Variants in CTNNA3 observed in about 807,000 individuals in gnomAD.
CTNNA3 encodes catenin alpha 3.
CTNNA3 carries 76 observed loss-of-function variants against 95.7 expected under a neutral mutation model. That is an observed-to-expected ratio of 0.79 (90% CI 0.66 to 0.96). The LOEUF is 0.96. CTNNA3 is among the 40% of genes least tolerant of loss of function. The pLI, the probability that CTNNA3 is intolerant of heterozygous loss-of-function variation, is 0.00. For synonymous variants in CTNNA3, 431 were observed against 374.4 expected, an observed-to-expected ratio of 1.15 and a Z score of -1.74; for missense variants, 1,191 against 1,089.8, an observed-to-expected ratio of 1.09 and a Z score of -1.31.
chr10:66,158,425 A>T (rs1165178762), intron 13 of CTNNA3, among the ~76,000 whole-genome samples: 1 of 151,552 alleles, frequency 6.6e-6, no homozygotes, highest in Non-Finnish European at 1.5e-5. Flanking sequence ...TCCCCACTTT[A>T]TGTTTTTGTT....
intron 1 of CTNNA3, among the ~76,000 whole-genome samples, chr10:67,685,229 A>G (rs7095136): frequency 0.19 from 29,463 of 152,196 alleles, 3,522 homozygotes; most frequent in African/African-American, 0.34. Flanking sequence ...TGGGATTTTA[A>G]TTATTCTTTG....
intron 15 of CTNNA3, among the ~76,000 whole-genome samples, chr10:66,010,120 G>A (rs2078975374): frequency 6.9e-6 from 1 of 144,390 alleles, no homozygotes; most frequent in Admixed American, 7.2e-5. Flanking sequence ...AACCAAAATA[G>A]GCAGTGAATG....
chr10:66,536,528 A>G (rs1841666149), intron 10 of CTNNA3, among the ~76,000 whole-genome samples: 1 of 152,048 alleles, frequency 6.6e-6, no homozygotes, highest in Admixed American at 6.6e-5. Context: ...ATGTAGACAA[A>G]TAAAGAAATG....
chr10:66,785,620 T>C (rs534799731), intron 7 of CTNNA3, among the ~76,000 whole-genome samples: 1 of 152,270 alleles, frequency 6.6e-6, no homozygotes, highest in Non-Finnish European at 1.5e-5. Flanking sequence ...AGTTACACCA[T>C]TGGCTCCCCT....
Position 67,528,894 on chromosome 10 carries a change from G to C in CTNNA3, c.460-6933C>G, listed in dbSNP as rs1288728329. On this transcript the variant is annotated intron_variant, in intron 4 of 17. Coordinates refer to ENST00000433211, the MANE Select transcript of CTNNA3 (RefSeq NM_013266.4). Reference sequence around the variant, plus strand: ...AATTTTACATGGTTTAAATTTGTATGGTCAAAGGTCATAAAATTTCAATTA... The same window carrying C: ...AATTTTACATGGTTTAAATTTGTATCGTCAAAGGTCATAAAATTTCAATTA... Among the ~76,000 whole-genome samples, 3 of 152,000 alleles carry C rather than the reference G, an allele frequency of 2.0e-5. No homozygotes were observed. The East Asian group carries it at 5.8e-4, about 29-fold the overall frequency.
intron 2 of CTNNA3, among the ~76,000 whole-genome samples, chr10:67,617,318 A>G (rs1468177208): frequency 6.6e-6 from 1 of 152,016 alleles, no homozygotes; most frequent in Admixed American, 6.6e-5. Context: ...TGTTCTCATC[A>G]TTTAGCTTCT....
At chr10:67,701,353 A>C (rs1307787436) in intron 1 of CTNNA3, among the ~76,000 whole-genome samples, 1 of 152,190 alleles carries the variant, frequency 6.6e-6, no homozygotes, top group Non-Finnish European at 1.5e-5. Flanking sequence ...ATGAAGGAAA[A>C]AATGGTAAGG....
chr10:66,598,754 T>C (rs1462428859), intron 10 of CTNNA3, among the ~76,000 whole-genome samples: 1 of 151,940 alleles, frequency 6.6e-6, no homozygotes, highest in African/African-American at 2.4e-5. Context: ...TAAGAAGATA[T>C]AAAGAAATGG....
At position 66,964,050 on chromosome 10, in the gene CTNNA3, C is replaced by T. The variant is rs2132787879; in HGVS notation, c.1048-188526G>A. On this transcript the variant is annotated intron_variant, in intron 7 of 17. Coordinates refer to ENST00000433211, the MANE Select transcript of CTNNA3 (RefSeq NM_013266.4). ...TTTTTTCAGTAGTGATGGGTTTTCACCATGTTGGCCAGGATGGTCTCGATC... is the reference window on the plus strand; with the variant it reads ...TTTTTTCAGTAGTGATGGGTTTTCATCATGTTGGCCAGGATGGTCTCGATC... Among the ~76,000 whole-genome samples the T allele has an allele frequency of 3.3e-5, 5 of 151,882 alleles. 1 individual carries two copies. The South Asian group carries it at 1.0e-3, about 32-fold the overall frequency.
chr10:66,237,915 T>C (rs1246583719), intron 13 of CTNNA3, among the ~76,000 whole-genome samples: 1 of 152,078 alleles, frequency 6.6e-6, no homozygotes, highest in African/African-American at 2.4e-5. Flanking sequence ...TGTGGTTTCT[T>C]CTAAGAAAAT....
chr10:67,013,263 A>G (rs1191601909), intron 7 of CTNNA3, among the ~76,000 whole-genome samples: 1 of 151,550 alleles, frequency 6.6e-6, no homozygotes. Context: ...TCTTCATTTA[A>G]TAAAATTCTC....
chr10:66,194,567 A>T (rs943294234), intron 13 of CTNNA3, among the ~76,000 whole-genome samples: 1 of 152,192 alleles, frequency 6.6e-6, no homozygotes, highest in Non-Finnish European at 1.5e-5. Context: ...TGACAGAGAG[A>T]GAGACTCCAT....
chr10:66,114,692 A>G (rs2133792056), intron 13 of CTNNA3, among the ~76,000 whole-genome samples: 1 of 151,938 alleles, frequency 6.6e-6, no homozygotes, highest in East Asian at 1.9e-4. Flanking sequence ...CATCCTGGCC[A>G]CCATGGTGAA....
In CTNNA3 at chr10:67,712,304, G is replaced by A. The variant is rs899105646; in HGVS notation, c.-2+51130C>T. 8.1e-4 allele frequency among the ~76,000 whole-genome samples: 124 copies of A among 152,350 alleles called. 1 individual carries two copies. Among genetic ancestry groups the A allele is most frequent in the African/African-American group, 2.6e-3 (110 of 41,574 alleles). On this transcript the variant is annotated intron_variant, in intron 1 of 17. Coordinates refer to the CTNNA3 transcript ENST00000684154. ...TAGAAAAGAAAATCCCATTTTCTGA[G>A]GAGAAATCCAAGCTGGCTGCAGAAA...
intron 10 of CTNNA3, among the ~76,000 whole-genome samples, chr10:66,611,528 C>T (rs1427057159): frequency 2.0e-5 from 3 of 152,088 alleles, no homozygotes; most frequent in African/African-American, 7.2e-5. Context: ...CTCTTTTCCA[C>T]AATTAGGTTT....
intron 5 of CTNNA3, among the ~76,000 whole-genome samples, chr10:67,363,580 T>C (rs1319862432): frequency 6.6e-6 from 1 of 151,122 alleles, no homozygotes; most frequent in Non-Finnish European, 1.5e-5. Context: ...GCAAGACTAA[T>C]AAAGAAGAAA....
intron 7 of CTNNA3, among the ~76,000 whole-genome samples, chr10:66,983,242 T>C (rs1408869178): frequency 2.0e-5 from 3 of 152,114 alleles, no homozygotes; most frequent in Admixed American, 2.0e-4. Context: ...ACAGATTTCA[T>C]TCCATCCTAG....
intron 10 of CTNNA3, among the ~76,000 whole-genome samples, chr10:66,598,640 T>C (rs946978240): frequency 1.3e-5 from 2 of 151,956 alleles, no homozygotes; most frequent in African/African-American, 4.8e-5. Context: ...AGAATAATTA[T>C]ATTTACAATA....
intron 7 of CTNNA3, among the ~76,000 whole-genome samples, chr10:67,039,368 A>G (rs1221467222): frequency 6.6e-6 from 1 of 152,158 alleles, no homozygotes; most frequent in Non-Finnish European, 1.5e-5. Flanking sequence ...GGAGACAAAC[A>G]TTTCCCTGTG....
Sources: gnomAD v4.1 joint callset for allele counts (sites outside exome capture counted in the v4.1 genomes callset) on GRCh38, gnomAD v4.1.1 for gene constraint, MANE v1.5 for transcripts, NCBI Gene and HGNC (gene_info 2026-07-23, HGNC 2026-07-21) for gene names.